Variants in GLS observed in about 807,000 individuals in gnomAD.
GLS encodes the protein glutaminase, also known as glutaminase kidney isoform, mitochondrial.
In GLS, 36 loss-of-function variants were observed where a neutral mutation model predicts 86.7. The observed-to-expected ratio is 0.42, with a 90% CI of 0.32 to 0.55. GLS has a LOEUF of 0.55. GLS is among the 20% of genes least tolerant of loss of function. GLS has a pLI of 0.17. For synonymous variants in GLS, 317 were observed against 305.9 expected (o/e 1.04, Z -0.38); for missense variants, 528 against 833.4 (o/e 0.63, Z 4.51).
chr2:190,911,258 C>A (rs918308191), intron 7 of GLS, among the ~76,000 whole-genome samples: 3 of 151,936 alleles, frequency 2.0e-5, no homozygotes, highest in Admixed American at 2.0e-4. Context: ...AAATGATACC[C>A]TTGGCCCAGT....
intron 7 of GLS, among the ~76,000 whole-genome samples, chr2:190,917,999 C>T (rs1035933609): frequency 1.3e-5 from 2 of 151,968 alleles, no homozygotes; most frequent in African/African-American, 4.8e-5. Flanking sequence ...GGTTGTAAAC[C>T]GATGTGGTCT....
intron 1 of GLS, among the ~76,000 whole-genome samples, chr2:190,888,159 G>C (rs1463706289): frequency 6.6e-6 from 1 of 152,130 alleles, no homozygotes; most frequent in Non-Finnish European, 1.5e-5. Flanking sequence ...TTTTGAACTT[G>C]TAAATCTCTA....
rs564672082 is a variant in GLS at position 190,911,446 on chromosome 2, A to G, written c.1038+1125A>G. On this transcript the variant is annotated intron_variant, in intron 7 of 17. Transcript: ENST00000320717. ...GGCCCATTTAATTCTTATAACTCTA[A>G]TGAAGTAGATGTTATAGCCAAGTGT... is the stretch of plus-strand genomic sequence containing the variant. Among the ~76,000 whole-genome samples the G allele has an allele frequency of 8.5e-5, 13 of 152,250 alleles. No homozygotes were observed. The South Asian group carries it at 1.9e-3, about 22-fold the overall frequency.
At chr2:190,941,218 AC>A (rs1263422685) in intron 14 of GLS, among the ~76,000 whole-genome samples, 21 of 152,178 alleles carry the variant, frequency 1.4e-4, no homozygotes, top group African/African-American at 4.8e-4. Context: ...CTGAATAAAT[AC>A]TGAAAATAAT....
In GLS at chr2:190,897,317, T is replaced by C. The variant is rs565285778; in HGVS notation, c.605+1592T>C. Among the ~76,000 whole-genome samples the C allele has an allele frequency of 3.5e-4, 53 of 152,304 alleles. No homozygotes were observed. Among genetic ancestry groups the C allele is most frequent in the Admixed American group, 2.2e-3 (34 of 15,286 alleles). On this transcript the variant is annotated intron_variant, in intron 3 of 17. Coordinates refer to ENST00000320717, the MANE Select transcript of GLS (RefSeq NM_014905.5). This position sits in a 1 kb window ranked among gnomAD's most constrained non-coding sequence, Gnocchi z 4.3. ...CACGGTTTTAATACTTGAAAAAATA[T>C]TTATGTTTTGTAAACATGTTGTTAT...
intron 6 of GLS, 88 bp from the exon 7 acceptor site, chr2:190,910,175 G>C (rs1322188067): frequency 2.6e-6 from 2 of 783,076 alleles, no homozygotes; most frequent in South Asian, 3.5e-5. Context: ...TACGTTAGCT[G>C]TGCTTTTTCC....
chr2:190,918,821 A>G (rs1407817922), intron 7 of GLS, among the ~76,000 whole-genome samples: 1 of 152,170 alleles, frequency 6.6e-6, no homozygotes, highest in Non-Finnish European at 1.5e-5. Context: ...GCCTGTTTTC[A>G]ATATTGTTGT....
At chr2:190,894,522 A>G (rs775910479) in intron 1 of GLS, among the ~76,000 whole-genome samples, 2 of 152,154 alleles carry the variant, frequency 1.3e-5, no homozygotes, top group Non-Finnish European at 2.9e-5. Context: ...TATTGAGTCA[A>G]CTGATCCTCA....
In GLS at chr2:190,924,134, T is replaced by A. The variant is rs1423511450; in HGVS notation, c.1197+151T>A. 1.7e-6 allele frequency: 1 copy of A among 585,100 alleles called. No homozygotes were observed. The highest frequency in any genetic ancestry group is 3.0e-6 in the Non-Finnish European group (1 of 329,792). The allele number at this position is 585,100 out of a possible 1,614,324, so 36.2% of individuals were successfully genotyped here. On this transcript the variant is annotated intron_variant, in intron 10 of 17. Transcript: ENST00000320717. The surrounding 1 kb of genome is among the most constrained non-coding windows in gnomAD (Gnocchi z 5.2). ...TTGCAGAGTGCTCGTGAGTCAGTGTTATCAAATTGTTAATGTTATTGTTAA... is the reference window on the plus strand; with the variant it reads ...TTGCAGAGTGCTCGTGAGTCAGTGTAATCAAATTGTTAATGTTATTGTTAA...
intron 6 of GLS, among the ~76,000 whole-genome samples, chr2:190,908,655 C>T (rs1689245995): frequency 6.6e-6 from 1 of 152,276 alleles, no homozygotes; most frequent in East Asian, 1.9e-4. Flanking sequence ...TAAGACAGAG[C>T]AGGGAAGCAA....
At chr2:190,959,055 A>C (rs1690932529) in intron 17 of GLS, among the ~76,000 whole-genome samples, 1 of 152,072 alleles carries the variant, frequency 6.6e-6, no homozygotes, top group South Asian at 2.1e-4. Flanking sequence ...TGGGAGTCTG[A>C]GTCTCTTTGT....
intron 17 of GLS, among the ~76,000 whole-genome samples, chr2:190,961,745 T>C (rs1033994660): frequency 2.0e-5 from 3 of 151,248 alleles, no homozygotes; most frequent in Non-Finnish European, 2.9e-5. Flanking sequence ...ACTTACCTGA[T>C]TTTAAAAACA....
intron 5 of GLS, among the ~76,000 whole-genome samples, chr2:190,903,925 G>A (rs1363572618): frequency 6.6e-6 from 1 of 152,150 alleles, no homozygotes; most frequent in East Asian, 1.9e-4. Context: ...GAACCTGGGA[G>A]GTATCAGTAA....
intron 5 of GLS, among the ~76,000 whole-genome samples, chr2:190,903,724 A>G (rs1044028604): frequency 1.3e-5 from 2 of 152,242 alleles, no homozygotes; most frequent in African/African-American, 4.8e-5. Flanking sequence ...AGGTAGTAAG[A>G]CAAGCTCTTA....
At chr2:190,902,094 A>G (rs1047659877) in intron 5 of GLS, 68 bp downstream of exon 5, 13 of 839,382 alleles carry the variant, frequency 1.5e-5, no homozygotes, top group Middle Eastern at 2.2e-4. Flanking sequence ...TGAGAATGAC[A>G]TGGAGAAGAT....
At chr2:190,902,882 G>C (rs1688995559) in intron 5 of GLS, among the ~76,000 whole-genome samples, 1 of 151,924 alleles carries the variant, frequency 6.6e-6, no homozygotes, top group Non-Finnish European at 1.5e-5. Flanking sequence ...TATCAAAATA[G>C]AACTTACATA....
chr2:190,949,493 G>A lies in GLS; in HGVS notation c.1651-4072G>A, dbSNP rs2124942845. Among the ~76,000 whole-genome samples, 1 of 152,086 alleles carries A rather than the reference G, an allele frequency of 6.6e-6. No homozygotes were observed. The highest frequency in any genetic ancestry group is 2.4e-5 in the African/African-American group (1 of 41,500). On this transcript the variant is annotated intron_variant, in intron 14 of 17. Transcript: ENST00000320717. The surrounding 1 kb of genome is among the most constrained non-coding windows in gnomAD (Gnocchi z 4.0). ...CAGATCGCTTGAGGTCGGGAGTTTG[G>A]GACCAGCCTGGCCAACCTAGTGAAA...
chr2:190,933,118 AT>A (rs919550725), intron 14 of GLS: 208 of 901,870 alleles, frequency 2.3e-4, no homozygotes, highest in Admixed American at 4.7e-4. Flanking sequence ...AAAAATTTAA[AT>A]TTTTTTTGAT....
rs1690870423 is a variant in GLS at position 190,956,767 on chromosome 2, C to G, written c.1853+1949C>G. Reference sequence around the variant, plus strand: ...ATGTTTTTCCATTTGTTTGTGTCCTCTCTTTATTTCCTTCAGCAGTGGTTT... The same window carrying G: ...ATGTTTTTCCATTTGTTTGTGTCCTGTCTTTATTTCCTTCAGCAGTGGTTT... On this transcript the variant is annotated intron_variant, in intron 17 of 17. Coordinates refer to ENST00000320717, the MANE Select transcript of GLS (RefSeq NM_014905.5). The surrounding 1 kb of genome is among the most constrained non-coding windows in gnomAD (Gnocchi z 4.2). 6.6e-6 allele frequency among the ~76,000 whole-genome samples: 1 copy of G among 152,126 alleles called. No individual in the cohort carries two copies. Among genetic ancestry groups the G allele is most frequent in the African/African-American group, 2.4e-5 (1 of 41,422 alleles).
Sources: gnomAD v4.1 joint callset for allele counts (sites outside exome capture counted in the v4.1 genomes callset) on GRCh38, gnomAD v4.1.1 for gene constraint, Gnocchi (gnomAD v3.1) non-coding constraint, MANE v1.5 for transcripts, NCBI Gene and HGNC (gene_info 2026-07-23, HGNC 2026-07-21) for gene names.